PTPRT: variants seen among roughly 807,000 people sequenced by gnomAD.
The protein encoded by PTPRT is receptor-type tyrosine-protein phosphatase T.
PTPRT carries 56 observed loss-of-function variants against 176.8 expected under a neutral mutation model. The observed-to-expected ratio is 0.32, with a 90% CI of 0.26 to 0.40. The LOEUF (loss-of-function observed/expected upper bound fraction) is 0.40. PTPRT is among the 10% of genes least tolerant of loss of function. PTPRT has a pLI of 1.00. For synonymous variants in PTPRT, 783 were observed against 739.0 expected (o/e 1.06, Z -0.96); for missense variants, 1,540 against 1,908.2 (o/e 0.81, Z 3.60).
chr20:42,080,891 T>G lies in PTPRT; in HGVS notation c.4314A>C (p.Leu1438Phe). Residue 1438 changes from leucine (L) to phenylalanine (F), a missense_variant, in exon 31 of 31, where the codon TTA (leucine) becomes TTC (phenylalanine). By Grantham distance (22) the Leu-to-Phe change is conservative (BLOSUM62 0). Transcript: ENST00000373187. Reference protein sequence around the residue: ...KFVYEVALEYLSSF With the variant: ...KFVYEVALEYFSSF ...CCATCCCATTGAGCTAAAAGGAGCT[T>G]AAATATTCCAGTGCCACCTCGTATA... 1 of 1,611,294 alleles carries G rather than the reference T, an allele frequency of 6.2e-7. No individual in the cohort carries two copies. Among genetic ancestry groups the G allele is most frequent in the Admixed American group, 1.7e-5 (1 of 59,986 alleles).
At chr20:42,337,175 C>T (rs2058052175) in intron 11 of PTPRT, among the ~76,000 whole-genome samples, 1 of 152,188 alleles carries the variant, frequency 6.6e-6, no homozygotes, top group Non-Finnish European at 1.5e-5. Context: ...CCTGGCTCTA[C>T]AGTTAGACTC....
chr20:42,436,081 C>T (rs973404364), intron 9 of PTPRT, among the ~76,000 whole-genome samples: 2 of 152,180 alleles, frequency 1.3e-5, no homozygotes, highest in African/African-American at 2.4e-5. Context: ...CCATCTCTCA[C>T]CCTATGCAAA....
rs552174035 is a variant in PTPRT, at chr20:42,929,219, A to C, written c.89-43287T>G. 2.8e-4 allele frequency among the ~76,000 whole-genome samples: 43 copies of C among 152,396 alleles called. 2 individuals are homozygous for C. In the South Asian group the frequency reaches 8.9e-3, roughly 32 times the overall value. On this transcript the variant is annotated intron_variant, in intron 1 of 30. Transcript: ENST00000373187. ...ACTCAGTGAAGTGTTCTTTACAAGA[A>C]TGCAAAAGGAATTCAAAAACAGGAG...
chr20:42,306,122 G>C (rs8184457), intron 12 of PTPRT, among the ~76,000 whole-genome samples: 33,300 of 152,080 alleles, frequency 0.22, 3,968 homozygotes, highest in East Asian at 0.37. Flanking sequence ...AAATGTTCCT[G>C]CTCCCTCAGG....
At chr20:43,157,746 C>T (rs1219586760) in intron 1 of PTPRT, among the ~76,000 whole-genome samples, 1 of 152,080 alleles carries the variant, frequency 6.6e-6, no homozygotes. Context: ...TCCAAGGAGG[C>T]AAGGGAGTTA....
chr20:42,199,570 C>T (rs1246382951), intron 15 of PTPRT, among the ~76,000 whole-genome samples, 182 bp from the exon 16 acceptor site: 1 of 152,160 alleles, frequency 6.6e-6, no homozygotes, highest in Admixed American at 6.5e-5. Context: ...ATATGAGACT[C>T]ACGCTGCTGC....
At chr20:42,286,339 G>C (rs188022642) in intron 12 of PTPRT, among the ~76,000 whole-genome samples, 3 of 151,952 alleles carry the variant, frequency 2.0e-5, no homozygotes, top group African/African-American at 7.2e-5. Context: ...ATACTACAAA[G>C]CTGTAATAAC....
chr20:42,098,842 G>A (rs1397841142), intron 26 of PTPRT, among the ~76,000 whole-genome samples: 1 of 152,184 alleles, frequency 6.6e-6, no homozygotes, highest in Non-Finnish European at 1.5e-5. Flanking sequence ...ATTACAATAC[G>A]AAATGAAAGA....
chr20:42,600,285 G>T (rs564661576), intron 7 of PTPRT, among the ~76,000 whole-genome samples: 230 of 152,112 alleles, frequency 1.5e-3, no homozygotes, highest in African/African-American at 5.3e-3. Context: ...GACTACAGGT[G>T]TGCGCCATAA....
chr20:42,568,777 C>T (rs185747034), intron 7 of PTPRT, among the ~76,000 whole-genome samples: 9 of 151,928 alleles, frequency 5.9e-5, no homozygotes, highest in East Asian at 2.0e-4. Flanking sequence ...CGGCTAGGCA[C>T]GGTGGCTCAT....
Position 42,263,357 on chromosome 20 carries a change from G to A in PTPRT, c.2177-14535C>T, listed in dbSNP as rs370031218. ...ACCTCAGTTAGGGCCACAGGCATGC[G>A]CTGCCATGCCTGGCTTTTTTTTTTT... On this transcript the variant is annotated intron_variant, in intron 13 of 30. Coordinates refer to ENST00000373187, the MANE Select transcript of PTPRT (RefSeq NM_007050.6). Among the ~76,000 whole-genome samples the A allele has an allele frequency of 1.2e-4, 17 of 145,170 alleles. No individual in the cohort carries two copies. The East Asian group carries it at 1.6e-3, about 14-fold the overall frequency.
chr20:42,457,905 G>A (rs866624226), intron 8 of PTPRT, among the ~76,000 whole-genome samples: 3 of 152,106 alleles, frequency 2.0e-5, no homozygotes, highest in Admixed American at 6.6e-5. Flanking sequence ...GGGAGCTCTC[G>A]TTCTCTGCAT....
chr20:43,126,066 A>C (rs1367631565), intron 1 of PTPRT, among the ~76,000 whole-genome samples: 2 of 152,186 alleles, frequency 1.3e-5, no homozygotes, highest in African/African-American at 4.8e-5. Context: ...ATGAAAAGAA[A>C]GGACCGGGTG....
At chr20:42,499,026 C>A (rs948325406) in intron 7 of PTPRT, among the ~76,000 whole-genome samples, 1 of 152,140 alleles carries the variant, frequency 6.6e-6, no homozygotes, top group East Asian at 1.9e-4. Context: ...ATGATTTTAA[C>A]CTTGGCAAAA....
intron 16 of PTPRT, among the ~76,000 whole-genome samples, chr20:42,172,477 G>C (rs1191351748): frequency 2.6e-5 from 4 of 152,232 alleles, no homozygotes; most frequent in Non-Finnish European, 5.9e-5. Flanking sequence ...TCTGATGGAC[G>C]TGGTCAGGGT....
chr20:42,891,991 T>G (rs928023105), intron 1 of PTPRT, among the ~76,000 whole-genome samples: 1 of 152,174 alleles, frequency 6.6e-6, no homozygotes, highest in Non-Finnish European at 1.5e-5. Context: ...AATAAATGAG[T>G]GTGGCTGTGT....
chr20:42,325,891 A>G (rs2057874642), intron 11 of PTPRT, among the ~76,000 whole-genome samples: 1 of 152,072 alleles, frequency 6.6e-6, no homozygotes, highest in East Asian at 1.9e-4. Flanking sequence ...TTCCCTGAAC[A>G]CCCCACACAC....
chr20:42,206,184 T>G (rs535702340), intron 15 of PTPRT, among the ~76,000 whole-genome samples: 6 of 152,166 alleles, frequency 3.9e-5, no homozygotes, highest in African/African-American at 1.2e-4. Context: ...CAGCAAAACT[T>G]TATTCATCTA....
At chr20:42,355,966 T>A (rs574673522) in intron 9 of PTPRT, among the ~76,000 whole-genome samples, 32 of 152,326 alleles carry the variant, frequency 2.1e-4, no homozygotes, top group African/African-American at 7.7e-4. Context: ...TTACTTGTAA[T>A]GAAACACTAT....
Sources: allele counts gnomAD v4.1 joint callset (sites outside exome capture counted in the v4.1 genomes callset), GRCh38; gene constraint gnomAD v4.1.1; transcripts MANE v1.5; gene names NCBI Gene and HGNC (gene_info 2026-07-23, HGNC 2026-07-21).